Variants in RNF125 observed in about 807,000 individuals in gnomAD.
The protein encoded by RNF125 is E3 ubiquitin-protein ligase RNF125.
A neutral mutation model predicts 26.0 loss-of-function variants in RNF125; 21 were observed. The ratio of observed to expected loss-of-function variants is 0.81; its 90% CI spans 0.57 to 1.16. RNF125 has a LOEUF of 1.16. Among genes scored for constraint, RNF125 ranks in the 50% most tolerant of loss-of-function variants. The pLI, the probability that RNF125 is intolerant of heterozygous loss-of-function variation, is 0.00. For missense variants in RNF125, 270 were observed against 299.4 expected, an observed-to-expected ratio of 0.90 and a Z score of 0.72; for synonymous variants, 95 against 109.2, an observed-to-expected ratio of 0.87 and a Z score of 0.81.
the RNF125 span, among the ~76,000 whole-genome samples, chr18:32,087,234 G>A: frequency 3.3e-5 from 5 of 151,510 alleles, no homozygotes; most frequent in Non-Finnish European, 7.4e-5. Flanking sequence ...GGTTCCCAGA[G>A]CCCACTCTTT....
intron 4 of RNF125, among the ~76,000 whole-genome samples, chr18:32,063,250 A>C (rs1170268336): frequency 6.6e-6 from 1 of 151,678 alleles, no homozygotes; most frequent in Non-Finnish European, 1.5e-5. Context: ...AAAAAGAAGA[A>C]TACATGAATA....
chr18:32,086,308 C>T, the RNF125 span, among the ~76,000 whole-genome samples: 2 of 147,604 alleles, frequency 1.4e-5, no homozygotes, highest in African/African-American at 2.5e-5. Context: ...CTCAGCCTCT[C>T]GAATAGCTGG....
At chr18:32,024,099 TTTTA>T (rs1432658646) in intron 1 of RNF125, among the ~76,000 whole-genome samples, 2 of 151,942 alleles carry the variant, frequency 1.3e-5, no homozygotes, top group African/African-American at 4.9e-5. Context: ...CTATATCTTT[TTTTA>T]TTCTTTCAAT....
rs185417374 is a variant in RNF125, at chr18:32,051,841, C to T, written c.504+6109C>T. ...AGTAGCTGGGATTACAGGCATGCAC[C>T]ACTGCACCCAGCTAATTTTTGCATT... On this transcript the variant is annotated intron_variant, in intron 4 of 5. Coordinates refer to ENST00000217740, the MANE Select transcript of RNF125 (RefSeq NM_017831.4). 2.0e-3 allele frequency among the ~76,000 whole-genome samples: 300 copies of T among 151,730 alleles called. 6 individuals carry two copies. The highest frequency in any genetic ancestry group is 0.019 in the Admixed American group (286 of 15,234).
chr18:32,080,531 C>T, the RNF125 span, among the ~76,000 whole-genome samples: 1 of 152,146 alleles, frequency 6.6e-6, no homozygotes, highest in Non-Finnish European at 1.5e-5. Context: ...CTGTAACTTT[C>T]TAATTTAAAA....
In RNF125 at chr18:32,067,248, G is replaced by A. The variant is rs889988860; in HGVS notation, c.613-1050G>A. On this transcript the variant is annotated intron_variant, in intron 5 of 5. Transcript: ENST00000217740. ...AGCCTGGGTGACAGAGCGAGACTCC[G>A]TCTCAAGAGGTTTCTCTTTACCTTA... Among the ~76,000 whole-genome samples, 10 of 152,268 alleles carry A rather than the reference G, an allele frequency of 6.6e-5. No individual in the cohort carries two copies. In the Middle Eastern group the frequency reaches 0.014, roughly 207 times the overall value.
At chr18:32,050,384 G>A (rs771995145) in intron 4 of RNF125, among the ~76,000 whole-genome samples, 21 of 152,102 alleles carry the variant, frequency 1.4e-4, no homozygotes, top group Non-Finnish European at 2.5e-4. Context: ...CAGTGGTGCA[G>A]TAATAGCTCA....
At chr18:32,050,821 T>C (rs80090192) in intron 4 of RNF125, among the ~76,000 whole-genome samples, 2,268 of 149,768 alleles carry the variant, frequency 0.015, 54 homozygotes, top group African/African-American at 0.05. Flanking sequence ...GGAAGATGTT[T>C]TAGCAAGAAC....
In RNF125 at chr18:32,071,842, T is replaced by A. The variant is rs2039536699; in HGVS notation, c.*3458T>A. Reference sequence around the variant, plus strand: ...ACAGCTGCTAAAAAGTAACAACTGATTTTTAGTTCCACAACCTCTCTTTCT... The same window carrying A: ...ACAGCTGCTAAAAAGTAACAACTGAATTTTAGTTCCACAACCTCTCTTTCT... On this transcript the variant is annotated 3_prime_UTR_variant, in exon 6 of 6. Coordinates refer to ENST00000217740, the MANE Select transcript of RNF125 (RefSeq NM_017831.4). The A allele has an allele frequency of 6.6e-6, 1 of 152,206 alleles. No homozygotes were observed. Among genetic ancestry groups the A allele is most frequent in the South Asian group, 2.1e-4 (1 of 4,832 alleles). The allele number at this position is 152,206 out of a possible 1,614,324, so 9.4% of individuals were successfully genotyped here.
At chr18:32,020,098 C>T (rs1266263014) in intron 1 of RNF125, among the ~76,000 whole-genome samples, 2 of 151,732 alleles carry the variant, frequency 1.3e-5, no homozygotes, top group Non-Finnish European at 2.9e-5. Flanking sequence ...GTGGTGCTAT[C>T]TCGGCTCACT....
chr18:32,053,110 C>G (rs757119093), intron 4 of RNF125, among the ~76,000 whole-genome samples: 13 of 152,196 alleles, frequency 8.5e-5, no homozygotes, highest in Non-Finnish European at 1.8e-4. Flanking sequence ...TGCCTGTAAT[C>G]CCAGCCCTTC....
chr18:32,061,107 C>A (rs1283213783), intron 4 of RNF125, among the ~76,000 whole-genome samples: 1 of 152,170 alleles, frequency 6.6e-6, no homozygotes, highest in Non-Finnish European at 1.5e-5. Context: ...TCACTGCAAG[C>A]TCCGCCTCCT....
At chr18:32,076,969 A>G (rs920699798), downstream of RNF125, among the ~76,000 whole-genome samples, 1 of 152,170 alleles carries the variant, frequency 6.6e-6, no homozygotes, top group African/African-American at 2.4e-5. Flanking sequence ...ATGTCTCCAT[A>G]ACTGTACTAG....
the RNF125 span, among the ~76,000 whole-genome samples, chr18:32,088,943 G>T: frequency 6.6e-6 from 1 of 152,218 alleles, no homozygotes; most frequent in Non-Finnish European, 1.5e-5. Flanking sequence ...GGGTTGGAGT[G>T]TGTGCCCTGG....
At chr18:32,021,961 C>A (rs1346269469) in intron 1 of RNF125, among the ~76,000 whole-genome samples, 2 of 152,148 alleles carry the variant, frequency 1.3e-5, no homozygotes, top group Non-Finnish European at 2.9e-5. Flanking sequence ...TGGCTGTGGG[C>A]AGAATTTCCA....
At chr18:32,031,741 TG>T (rs1399526818) in intron 1 of RNF125, among the ~76,000 whole-genome samples, 6 of 152,052 alleles carry the variant, frequency 3.9e-5, no homozygotes, top group African/African-American at 1.4e-4. Flanking sequence ...TATAATTAGC[TG>T]AGATAGAAAG....
In RNF125 at chr18:32,038,408, C is replaced by T. The variant is rs142281435; in HGVS notation, c.318+1139C>T. ...AAAACCCTGAACTTCTACCATCACC[C>T]GTAATTTGTCAAACAAATGCTTTCA... On this transcript the variant is annotated intron_variant, in intron 2 of 5. Transcript: ENST00000217740. Among the ~76,000 whole-genome samples, 85 of 152,264 alleles carry T rather than the reference C, an allele frequency of 5.6e-4. 1 individual carries two copies. In the Middle Eastern group the frequency reaches 0.014, roughly 24 times the overall value.
intron 1 of RNF125, chr18:32,031,033 C>T (rs2039088424): frequency 6.6e-6 from 1 of 152,094 alleles, no homozygotes; most frequent in African/African-American, 2.4e-5. Context: ...CCATTCATCA[C>T]AGTGGAGCCC....
chr18:32,057,250 A>G (rs1234617230), intron 4 of RNF125, among the ~76,000 whole-genome samples: 1 of 152,200 alleles, frequency 6.6e-6, no homozygotes, highest in African/African-American at 2.4e-5. Flanking sequence ...AATGTTATCC[A>G]TACAGCACTG....
Sources: gnomAD v4.1 joint callset for allele counts (sites outside exome capture counted in the v4.1 genomes callset) on GRCh38, gnomAD v4.1.1 for gene constraint, MANE v1.5 for transcripts, NCBI Gene and HGNC (gene_info 2026-07-23, HGNC 2026-07-21) for gene names.